Variants in PPT1 observed in about 807,000 individuals in gnomAD.
PPT1 encodes ceroid-palmitoyl-palmitoyl-protein thioesterase 1.
Under a neutral mutation model 44.0 loss-of-function variants are expected in PPT1, and 24 were observed. That is an observed-to-expected ratio of 0.54 (90% CI 0.39 to 0.77). The LOEUF is 0.77. PPT1 is among the 30% of genes least tolerant of loss of function. PPT1 has a pLI of 0.00. For missense variants in PPT1, 341 were observed against 378.8 expected (o/e 0.90, Z 0.83); for synonymous variants, 148 against 140.2 (o/e 1.06, Z -0.39).
chr1:40,076,776 T>G (rs894787030), intron 8 of PPT1, 66 bp downstream of exon 8: 2 of 1,611,202 alleles, frequency 1.2e-6, no homozygotes, highest in African/African-American at 2.7e-5. Flanking sequence ...CCAAAGAACA[T>G]AGCAGCTTCA....
rs1259755308 is a variant in PPT1, at chr1:40,076,907, C to T, written c.733G>A (p.Gly245Arg). The T allele has an allele frequency of 1.2e-6, 2 of 1,614,114 alleles. No homozygotes were observed. The highest frequency in any genetic ancestry group is 2.2e-5 in the East Asian group (1 of 44,882). ...IVDPVDSEWF[G>R]FYRSGQAKET... is the part of the protein sequence containing the mutation. ...TTGGCTTGGCCACTTCTGTAAAATC[C>T]AAACCACTGCAGAAGAAGCAAAGGA... Residue 245 changes from glycine to arginine, a missense_variant, in exon 8 of 9, where the codon GGA becomes AGA. By Grantham distance (125) the Gly-to-Arg change is moderately radical (BLOSUM62 -2). Transcript: ENST00000642050.
Position 40,080,390 on chromosome 1 carries a change from T to C in PPT1, c.627+7A>G. The C allele has an allele frequency of 6.2e-7, 1 of 1,613,196 alleles. No individual in the cohort carries two copies. Among genetic ancestry groups the C allele is most frequent in the South Asian group, 1.1e-5 (1 of 91,060 alleles). ...CACATCTATGGGAGCCCGGTTTGGGTGCTTACCCGCTCCTGATTTATATCT... is the reference window on the plus strand; with the variant it reads ...CACATCTATGGGAGCCCGGTTTGGGCGCTTACCCGCTCCTGATTTATATCT... On this transcript the variant is annotated splice_region_variant and intron_variant, in intron 6 of 8. Transcript: ENST00000642050.
intron 8 of PPT1, among the ~76,000 whole-genome samples, chr1:40,075,779 C>T (rs991666283): frequency 6.6e-6 from 1 of 151,416 alleles, no homozygotes; most frequent in Non-Finnish European, 1.5e-5. Context: ...GCCTGGCCAA[C>T]ATGGTGAAAC....
chr1:40,096,351 T>G lies in PPT1; in HGVS notation c.124+764A>C, dbSNP rs140533061. Among the ~76,000 whole-genome samples, 500 of 152,302 alleles carry G rather than the reference T, an allele frequency of 3.3e-3. 5 individuals are homozygous for G. Among genetic ancestry groups the G allele is most frequent in the Middle Eastern group, 6.8e-3 (2 of 294 alleles). On this transcript the variant is annotated intron_variant, in intron 1 of 8. Coordinates refer to ENST00000642050, the MANE Select transcript of PPT1 (RefSeq NM_000310.4). Reference sequence around the variant, plus strand: ...AGAACAAAGAATTTAGTCTGTTTAGTTCCCTACTGTATCCTCAGCACCTAG... The same window carrying G: ...AGAACAAAGAATTTAGTCTGTTTAGGTCCCTACTGTATCCTCAGCACCTAG...
At chr1:40,097,067 A>C in intron 1 of PPT1, 48 bp downstream of exon 1, 1 of 1,613,816 alleles carries the variant, frequency 6.2e-7, no homozygotes, top group Non-Finnish European at 8.5e-7. Flanking sequence ...AACCCAGGCT[A>C]GGAAGAGAGA....
At chr1:40,082,871 A>G (rs1649043956) in intron 5 of PPT1, among the ~76,000 whole-genome samples, 1 of 152,224 alleles carries the variant, frequency 6.6e-6, no homozygotes, top group African/African-American at 2.4e-5. Context: ...TAGGACTTTC[A>G]CAGCTATAGA....
intron 5 of PPT1, 23 bp from the exon 6 acceptor site, chr1:40,080,510 G>T: frequency 6.2e-7 from 1 of 1,607,778 alleles, no homozygotes; most frequent in Non-Finnish European, 8.5e-7. Context: ...AAAAGAATGA[G>T]GTGATCAAGC....
chr1:40,080,289 T>C, intron 6 of PPT1, 108 bp downstream of exon 6: 1 of 1,178,490 alleles, frequency 8.5e-7, no homozygotes, highest in Middle Eastern at 1.9e-4. Context: ...TTCTCTTTCC[T>C]AGTGTCTGCC....
downstream of PPT1, chr1:40,071,918 T>C: frequency 2.4e-6 from 1 of 412,456 alleles, no homozygotes. Context: ...GGTTAATCTT[T>C]TTTTAACAAT....
At chr1:40,088,295 C>T (rs368944017) in intron 5 of PPT1, among the ~76,000 whole-genome samples, 18 of 152,140 alleles carry the variant, frequency 1.2e-4, no homozygotes, top group African/African-American at 1.4e-4. Flanking sequence ...TACAGGCGTG[C>T]GCCACCACGC....
At chr1:40,075,993 C>A (rs920700776) in intron 8 of PPT1, among the ~76,000 whole-genome samples, 2 of 103,676 alleles carry the variant, frequency 1.9e-5, no homozygotes, top group African/African-American at 7.7e-5. Flanking sequence ...AAAAAAAAAT[C>A]CTTAAAGTGT....
At chr1:40,085,964 C>T (rs1649236278) in intron 5 of PPT1, among the ~76,000 whole-genome samples, 1 of 152,112 alleles carries the variant, frequency 6.6e-6, no homozygotes, top group Non-Finnish European at 1.5e-5. Flanking sequence ...CTTAATATTT[C>T]CAGAAAACCA....
intron 5 of PPT1, among the ~76,000 whole-genome samples, chr1:40,086,647 C>G (rs779901294): frequency 1.3e-5 from 2 of 152,152 alleles, no homozygotes; most frequent in Non-Finnish European, 2.9e-5. Flanking sequence ...CCTGAAGAAT[C>G]TGAATCGGGA....
At chr1:40,078,811 C>T (rs765628522) in intron 6 of PPT1, 153 bp from the exon 7 acceptor site, 2 of 700,458 alleles carry the variant, frequency 2.9e-6, no homozygotes, top group Admixed American at 2.1e-5. Context: ...CCAGGATATA[C>T]CTGTACAGCT....
chr1:40,088,181 T>C (rs1306510481), intron 5 of PPT1, among the ~76,000 whole-genome samples: 1 of 151,760 alleles, frequency 6.6e-6, no homozygotes, highest in Admixed American at 6.6e-5. Flanking sequence ...TCTCCCTCTG[T>C]TGCCTAGGCT....
downstream of PPT1, chr1:40,071,851 A>G: frequency 4.4e-6 from 2 of 459,004 alleles, no homozygotes; most frequent in Non-Finnish European, 7.7e-6. Context: ...TCTACCAACA[A>G]ACAGTCCATT....
At chr1:40,072,527 C>CT (rs773042885), downstream of PPT1, 190 of 155,354 alleles carry the variant, frequency 1.2e-3, no homozygotes, top group Middle Eastern at 3.3e-3. Context: ...AAATATGCAA[C>CT]TTTTTTTTGG....
At chr1:40,077,805 G>C (rs1648707446) in intron 7 of PPT1, among the ~76,000 whole-genome samples, 1 of 152,132 alleles carries the variant, frequency 6.6e-6, no homozygotes, top group African/African-American at 2.4e-5. Context: ...TATGAACCAA[G>C]GCATACGAGA....
chr1:40,088,445 C>T lies in PPT1; in HGVS notation c.536+965G>A, dbSNP rs1029081951. ...CAGGCGTGAGCCACCATGCCCGGCC[C>T]ACAACTTCTAAGGATAAAGCCCAGG... is the stretch of plus-strand genomic sequence containing the variant. On this transcript the variant is annotated intron_variant, in intron 5 of 8. Coordinates refer to ENST00000642050, the MANE Select transcript of PPT1 (RefSeq NM_000310.4). 2.6e-5 allele frequency among the ~76,000 whole-genome samples: 4 copies of T among 152,006 alleles called. No individual in the cohort carries two copies. The East Asian group carries it at 5.8e-4, about 22-fold the overall frequency.
Sources: allele counts gnomAD v4.1 joint callset (sites outside exome capture counted in the v4.1 genomes callset), GRCh38; gene constraint gnomAD v4.1.1; transcripts MANE v1.5; gene names NCBI Gene and HGNC (gene_info 2026-07-23, HGNC 2026-07-21).